Variants in SMCHD1 observed in about 807,000 individuals in gnomAD.
The protein encoded by SMCHD1 is structural maintenance of chromosomes flexible hinge domain-containing protein 1.
A neutral mutation model predicts 254.7 loss-of-function variants in SMCHD1; 78 were observed. The ratio of observed to expected loss-of-function variants is 0.31; its 90% CI spans 0.26 to 0.37. SMCHD1 has a LOEUF of 0.37. Ranked by LOEUF, SMCHD1 falls within the 10% of genes least tolerant of loss-of-function variation. The probability of loss-of-function intolerance (pLI) is 1.00; values close to 1 mark genes in which losing one functional copy is unlikely to be tolerated. For missense variants in SMCHD1, 1,840 were observed against 2,408.1 expected, an observed-to-expected ratio of 0.76 and a Z score of 4.94; for synonymous variants, 766 against 794.9, an observed-to-expected ratio of 0.96 and a Z score of 0.61.
intron 45 of SMCHD1, among the ~76,000 whole-genome samples, chr18:2,789,745 T>G (rs1168574497): frequency 6.6e-6 from 1 of 152,258 alleles, no homozygotes; most frequent in African/African-American, 2.4e-5. Flanking sequence ...TATTGGGACA[T>G]AACTTCATCG....
chr18:2,709,649 G>A (rs1249828130), intron 17 of SMCHD1, among the ~76,000 whole-genome samples: 1 of 151,822 alleles, frequency 6.6e-6, no homozygotes, highest in African/African-American at 2.4e-5. Context: ...GTTTTGATTT[G>A]CATTTCCCCA....
intron 5 of SMCHD1, among the ~76,000 whole-genome samples, chr18:2,681,661 G>A (rs575103748): frequency 6.7e-6 from 1 of 149,754 alleles, no homozygotes. Flanking sequence ...GGCACTATAA[G>A]AATTATTGCT....
chr18:2,708,564 C>T (rs2074575172), intron 17 of SMCHD1, among the ~76,000 whole-genome samples: 1 of 150,774 alleles, frequency 6.6e-6, no homozygotes, highest in Non-Finnish European at 1.5e-5. Context: ...AAGCACCACT[C>T]TCATTCCTTC....
At chr18:2,657,580 AACT>A (rs2073109666) in intron 1 of SMCHD1, among the ~76,000 whole-genome samples, 1 of 152,210 alleles carries the variant, frequency 6.6e-6, no homozygotes, top group South Asian at 2.1e-4. Context: ...CTCGCTGTAA[AACT>A]ACTATATGAC....
intron 35 of SMCHD1, among the ~76,000 whole-genome samples, chr18:2,761,320 G>A (rs1371412510): frequency 2.0e-5 from 3 of 152,176 alleles, no homozygotes; most frequent in Non-Finnish European, 2.9e-5. Context: ...TACTGTGTTT[G>A]CTACTTGGGT....
chr18:2,793,024 G>A (rs1486130649), intron 45 of SMCHD1, among the ~76,000 whole-genome samples: 1 of 152,174 alleles, frequency 6.6e-6, no homozygotes, highest in Non-Finnish European at 1.5e-5. Flanking sequence ...TTTTCTTGTA[G>A]TTTTTCCCAG....
intron 5 of SMCHD1, among the ~76,000 whole-genome samples, chr18:2,677,152 TA>T (rs35381126): frequency 0.48 from 63,665 of 131,302 alleles, 14,740 homozygotes; most frequent in East Asian, 0.63. Flanking sequence ...TATGAACATT[TA>T]AAAACATACA....
At position 2,755,570 on chromosome 18, in the gene SMCHD1, T is replaced by C. The variant is rs867138003; in HGVS notation, c.4346+3018T>C. On this transcript the variant is annotated intron_variant, in intron 34 of 47. Coordinates refer to ENST00000320876, the MANE Select transcript of SMCHD1 (RefSeq NM_015295.3). ...TATTTTCTTTTTCTTTCTTTCTTTT[T>C]TTTTTTTTTTTTTTTGAGATGGAGT... Among the ~76,000 whole-genome samples the C allele has an allele frequency of 4.3e-3, 605 of 139,848 alleles. 1 individual carries two copies. Among genetic ancestry groups the C allele is most frequent in the African/African-American group, 0.014 (529 of 37,544 alleles). 91.7% of individuals were successfully genotyped at this position (139,848 alleles called of 152,430 possible).
At chr18:2,683,740 C>T (rs2073980600) in intron 5 of SMCHD1, among the ~76,000 whole-genome samples, 1 of 152,132 alleles carries the variant, frequency 6.6e-6, no homozygotes. Flanking sequence ...TCTGTGCCTT[C>T]TTGGTTGACC....
intron 45 of SMCHD1, among the ~76,000 whole-genome samples, chr18:2,787,803 G>A (rs921689922): frequency 6.6e-6 from 1 of 152,166 alleles, no homozygotes; most frequent in Non-Finnish European, 1.5e-5. Context: ...TATATATAAA[G>A]TACTTTTGAT....
At position 2,703,796 on chromosome 18, in the gene SMCHD1, A is replaced by G; in HGVS notation, c.1752A>G (p.Thr584=). ...IKFTLFKGVI[T]RPDLPSKKQG... ...TTACACTTTTTAAGGGAGTAATTAC[A>G]CGTCCTGATCTTCCTTCTAAAAAGC... The change falls in exon 13 of 48, where the codon ACA becomes ACG. Residue 584 remains threonine, a synonymous_variant. Coordinates refer to ENST00000320876, the MANE Select transcript of SMCHD1 (RefSeq NM_015295.3). The G allele has an allele frequency of 6.2e-7, 1 of 1,613,066 alleles. No individual in the cohort carries two copies. Among genetic ancestry groups the G allele is most frequent in the African/African-American group, 1.3e-5 (1 of 75,002 alleles).
intron 3 of SMCHD1, among the ~76,000 whole-genome samples, chr18:2,670,935 T>C (rs1291913382): frequency 6.9e-6 from 1 of 145,572 alleles, no homozygotes; most frequent in Non-Finnish European, 1.5e-5. Context: ...GTGAATCTTT[T>C]AATTCTTTTT....
In SMCHD1 at chr18:2,760,730, C is replaced by T. The variant is rs750987658; in HGVS notation, c.4425C>T (p.Asn1475=). ...TGATGGATAAAACAAATATTCTCAA[C>T]AGTGAACAGGTTTGCTTACTTTTTT... is the stretch of plus-strand genomic sequence containing the variant. ...GFMMDKTNIL[N]SEQVIVEVLP... Residue 1475 remains asparagine, a synonymous_variant, in exon 35 of 48, where the codon AAC becomes AAT. Transcript: ENST00000320876. 4 of 1,597,718 alleles carry T rather than the reference C, an allele frequency of 2.5e-6. No homozygotes were observed. Among genetic ancestry groups the T allele is most frequent in the African/African-American group, 1.3e-5 (1 of 74,532 alleles).
chr18:2,770,237 G>A (rs1005322809), intron 39 of SMCHD1, 129 bp downstream of exon 39: 1 of 894,060 alleles, frequency 1.1e-6, no homozygotes, highest in African/African-American at 1.8e-5. Flanking sequence ...CAGAAAGGTG[G>A]TAATGATGGT....
chr18:2,665,069 C>T (rs2073397304), intron 1 of SMCHD1, among the ~76,000 whole-genome samples: 1 of 152,118 alleles, frequency 6.6e-6, no homozygotes, highest in Admixed American at 6.5e-5. Context: ...TCCATTACTA[C>T]CCGAAACAGA....
chr18:2,666,859 CTT>C lies in SMCHD1; in HGVS notation c.263-10_263-9del, dbSNP rs779834935. 2.5e-5 allele frequency: 40 copies of C among 1,602,736 alleles called. No individual in the cohort carries two copies. The African/African-American group carries it at 5.1e-4, about 20-fold the overall frequency. ...TGACCTAGCACTTATGATTTTCACTCTTGATTACAGATGAAACTGTTAAAGAT... is the reference window on the plus strand; with the variant it reads ...TGACCTAGCACTTATGATTTTCACTCGATTACAGATGAAACTGTTAAAGAT... On this transcript the variant is annotated splice_polypyrimidine_tract_variant and intron_variant, in intron 2 of 47. Coordinates refer to ENST00000320876, the MANE Select transcript of SMCHD1 (RefSeq NM_015295.3).
intron 15 of SMCHD1, among the ~76,000 whole-genome samples, chr18:2,706,826 ACTAC>A (rs2074525664): frequency 6.6e-6 from 1 of 152,222 alleles, no homozygotes; most frequent in South Asian, 2.1e-4. Context: ...CTATAAAGAT[ACTAC>A]CTGAGACTGG....
At chr18:2,689,615 G>C (rs2074129184) in intron 7 of SMCHD1, among the ~76,000 whole-genome samples, 1 of 152,024 alleles carries the variant, frequency 6.6e-6, no homozygotes, top group African/African-American at 2.4e-5. Flanking sequence ...CTGGACTAGA[G>C]TGTAGTGGTG....
At chr18:2,735,150 A>G (rs2075224246) in intron 25 of SMCHD1, among the ~76,000 whole-genome samples, 1 of 152,130 alleles carries the variant, frequency 6.6e-6, no homozygotes, top group South Asian at 2.1e-4. Context: ...ATATACGCAA[A>G]TAAAGTGTGA....
Sources: gnomAD v4.1 joint callset for allele counts (sites outside exome capture counted in the v4.1 genomes callset) on GRCh38, gnomAD v4.1.1 for gene constraint, MANE v1.5 for transcripts, NCBI Gene and HGNC (gene_info 2026-07-23, HGNC 2026-07-21) for gene names.